ACYP2: variants seen among roughly 807,000 people sequenced by gnomAD.
The protein encoded by ACYP2 is acylphosphatase 2, also known as acylphosphatase-2.
Under a neutral mutation model 11.2 loss-of-function variants are expected in ACYP2, and 12 were observed. The ratio of observed to expected loss-of-function variants is 1.08; its 90% CI spans 0.69 to 1.74. The LOEUF is 1.74. ACYP2 is among the 40% of genes most tolerant of loss of function. The pLI is 0.00. For synonymous variants in ACYP2, 43 were observed against 32.2 expected, an observed-to-expected ratio of 1.33 and a Z score of -1.13; for missense variants, 134 against 101.9, an observed-to-expected ratio of 1.31 and a Z score of -1.35.
At chr2:54,099,802 G>A (rs768020039) in intron 4 of ACYP2, among the ~76,000 whole-genome samples, 1 of 152,176 alleles carries the variant, frequency 6.6e-6, no homozygotes, top group Non-Finnish European at 1.5e-5. Context: ...TATATCCTTA[G>A]GATACGTATC....
At chr2:54,038,012 G>A (rs1005344720) in intron 2 of ACYP2, among the ~76,000 whole-genome samples, 7 of 152,202 alleles carry the variant, frequency 4.6e-5, no homozygotes, top group African/African-American at 1.7e-4. Context: ...CTCCTACACA[G>A]TGAAATTACT....
intron 2 of ACYP2, among the ~76,000 whole-genome samples, chr2:54,033,641 C>G (rs574806326): frequency 1.6e-3 from 245 of 152,036 alleles, no homozygotes; most frequent in Non-Finnish European, 2.9e-3. Flanking sequence ...AATCTGGAGC[C>G]CCTGAAAGCT....
At chr2:54,176,612 C>T (rs1203363007) in intron 6 of ACYP2, among the ~76,000 whole-genome samples, 1 of 152,258 alleles carries the variant, frequency 6.6e-6, no homozygotes, top group South Asian at 2.1e-4. Flanking sequence ...ATTCTATCAC[C>T]CAGAGTCAGT....
At position 54,240,639 on chromosome 2, in the gene ACYP2, G is replaced by T. The variant is rs180913765; in HGVS notation, c.405-64049G>T. 4.3e-3 allele frequency among the ~76,000 whole-genome samples: 654 copies of T among 152,286 alleles called. 3 individuals carry two copies. The highest frequency in any genetic ancestry group is 6.8e-3 in the Middle Eastern group (2 of 294). On this transcript the variant is annotated intron_variant, in intron 6 of 6. Coordinates refer to ENST00000607452, the MANE Select transcript of ACYP2 (RefSeq NM_001320586.2). ...CCCTGCCTCATCATACTTGTGACAA[G>T]TTGAATTCCTAAGACTCAGGCTCGT...
At chr2:54,252,566 G>GT (rs1195609999) in intron 6 of ACYP2, among the ~76,000 whole-genome samples, 1 of 151,178 alleles carries the variant, frequency 6.6e-6, no homozygotes, top group African/African-American at 2.4e-5. Flanking sequence ...TCTTTGTTTT[G>GT]TTTTTTTTCA....
At chr2:54,148,472 A>G (rs565454244) in intron 6 of ACYP2, among the ~76,000 whole-genome samples, 56 of 152,324 alleles carry the variant, frequency 3.7e-4, no homozygotes, top group African/African-American at 1.3e-3. Flanking sequence ...GTAATAATCA[A>G]TAAATATTTG....
chr2:54,237,231 C>G (rs1475973661), intron 6 of ACYP2, among the ~76,000 whole-genome samples: 1 of 152,060 alleles, frequency 6.6e-6, no homozygotes, highest in Non-Finnish European at 1.5e-5. Context: ...ACCTGAAGGC[C>G]TTCTTTGTCT....
intron 6 of ACYP2, among the ~76,000 whole-genome samples, chr2:54,208,854 AT>A (rs1333680117): frequency 6.6e-6 from 1 of 152,032 alleles, no homozygotes; most frequent in African/African-American, 2.4e-5. Flanking sequence ...CTCATACCCA[AT>A]TGTGTGATTG....
intron 4 of ACYP2, among the ~76,000 whole-genome samples, chr2:54,133,202 T>G (rs1055395828): frequency 6.6e-6 from 1 of 152,212 alleles, no homozygotes. Context: ...TCCTTATAGT[T>G]TGCCTTTTCC....
intron 2 of ACYP2, among the ~76,000 whole-genome samples, chr2:54,042,002 ATTCT>A (rs1173131475): frequency 8.7e-6 from 1 of 115,036 alleles, no homozygotes; most frequent in Non-Finnish European, 1.7e-5. Flanking sequence ...AACTCACTTT[ATTCT>A]TTCTTTTTTT....
intron 2 of ACYP2, among the ~76,000 whole-genome samples, chr2:54,023,587 T>G (rs1674115428): frequency 6.6e-6 from 1 of 152,224 alleles, no homozygotes; most frequent in Admixed American, 6.5e-5. Flanking sequence ...CATTGTGACT[T>G]GATTTGCATT....
At chr2:54,153,606 CT>C (rs763209155) in intron 6 of ACYP2, among the ~76,000 whole-genome samples, 18 of 115,698 alleles carry the variant, frequency 1.6e-4, no homozygotes, top group East Asian at 2.7e-4. Flanking sequence ...TTTTTTTTTT[CT>C]TTTTTTTTTT....
intron 2 of ACYP2, among the ~76,000 whole-genome samples, chr2:54,045,017 T>C (rs1319841355): frequency 6.6e-6 from 1 of 152,218 alleles, no homozygotes; most frequent in Non-Finnish European, 1.5e-5. Flanking sequence ...TGTTACAAGA[T>C]TATAGTGTCC....
intron 2 of ACYP2, among the ~76,000 whole-genome samples, chr2:54,020,490 G>C (rs1296181017): frequency 6.6e-6 from 1 of 152,154 alleles, no homozygotes; most frequent in East Asian, 1.9e-4. Flanking sequence ...ACATTGGAAG[G>C]CTATAAAGTT....
chr2:54,256,288 C>A (rs1002464895), intron 6 of ACYP2: 2 of 914,660 alleles, frequency 2.2e-6, no homozygotes, highest in Non-Finnish European at 3.3e-6. Context: ...ACCCACCCCT[C>A]AGTCTCGCGA....
intron 6 of ACYP2, among the ~76,000 whole-genome samples, chr2:54,285,885 C>A (rs1394469700): frequency 6.6e-6 from 1 of 152,142 alleles, no homozygotes; most frequent in African/African-American, 2.4e-5. Context: ...GGACAACATC[C>A]TAGAAATCAT....
chr2:54,088,092 G>A (rs1203222729), intron 4 of ACYP2, among the ~76,000 whole-genome samples: 1 of 152,166 alleles, frequency 6.6e-6, no homozygotes, highest in Non-Finnish European at 1.5e-5. Context: ...AGTCTTTGTG[G>A]ACTGGCGTCT....
At chr2:54,157,185 A>AT (rs1682472072) in intron 6 of ACYP2, among the ~76,000 whole-genome samples, 1 of 152,016 alleles carries the variant, frequency 6.6e-6, no homozygotes, top group Admixed American at 6.6e-5. Flanking sequence ...AGTCCTATAC[A>AT]TTTTTTCCTA....
At chr2:54,149,041 A>G (rs1465672372) in intron 6 of ACYP2, among the ~76,000 whole-genome samples, 1 of 152,198 alleles carries the variant, frequency 6.6e-6, no homozygotes, top group Non-Finnish European at 1.5e-5. Flanking sequence ...GCTTGAGCTC[A>G]AGAATTCGTG....
Sources: allele counts gnomAD v4.1 joint callset (sites outside exome capture counted in the v4.1 genomes callset), GRCh38; gene constraint gnomAD v4.1.1; transcripts MANE v1.5; gene names NCBI Gene and HGNC (gene_info 2026-07-23, HGNC 2026-07-21).